NAA11: variants seen among roughly 807,000 people sequenced by gnomAD.
The protein encoded by NAA11 is N-alpha-acetyltransferase 11, NatA catalytic subunit, also known as N-alpha-acetyltransferase 11.
A neutral mutation model predicts 16.1 loss-of-function variants in NAA11; 15 were observed. The observed-to-expected ratio is 0.93, with a 90% CI of 0.62 to 1.44. The LOEUF is 1.44. Among genes scored for constraint, NAA11 ranks in the 40% most tolerant of loss-of-function variants. The pLI, the probability that NAA11 is intolerant of heterozygous loss-of-function variation, is 0.00. For synonymous variants in NAA11, 122 were observed against 112.4 expected, an observed-to-expected ratio of 1.09 and a Z score of -0.54; for missense variants, 298 against 291.3, an observed-to-expected ratio of 1.02 and a Z score of -0.17.
the NAA11 span, among the ~76,000 whole-genome samples, chr4:79,190,074 C>T: frequency 1.3e-5 from 2 of 152,036 alleles, no homozygotes; most frequent in East Asian, 1.9e-4. Context: ...ACAAAAAACC[C>T]GCACAAAGCT....
At chr4:79,313,570 T>A (rs1723842809), downstream of NAA11, among the ~76,000 whole-genome samples, 2 of 152,172 alleles carry the variant, frequency 1.3e-5, 1 homozygote, top group African/African-American at 4.8e-5. Context: ...GCAATATATG[T>A]ATGATTTAAA....
chr4:79,320,014 T>A (rs938851927), intron 1 of NAA11, among the ~76,000 whole-genome samples: 4 of 152,224 alleles, frequency 2.6e-5, no homozygotes, highest in African/African-American at 7.2e-5. Flanking sequence ...CTTAACTCAA[T>A]GTTGCCAGCT....
chr4:79,312,359 TG>T (rs1421448493), downstream of NAA11, among the ~76,000 whole-genome samples: 1 of 152,034 alleles, frequency 6.6e-6, no homozygotes, highest in Non-Finnish European at 1.5e-5. Flanking sequence ...ATTTAAGAGT[TG>T]GGGATCTTGG....
chr4:79,157,593 G>A, the NAA11 span, among the ~76,000 whole-genome samples: 4 of 151,374 alleles, frequency 2.6e-5, no homozygotes, highest in Non-Finnish European at 5.9e-5. Context: ...ATACGTGTGT[G>A]TGTATATACA....
At chr4:79,315,815 A>G (rs1047575544), downstream of NAA11, among the ~76,000 whole-genome samples, 5 of 152,240 alleles carry the variant, frequency 3.3e-5, no homozygotes, top group Non-Finnish European at 5.9e-5. Context: ...TCCTGGAACC[A>G]TTATGAACAT....
chr4:79,218,037 G>A, the NAA11 span, among the ~76,000 whole-genome samples: 93 of 152,210 alleles, frequency 6.1e-4, no homozygotes, highest in African/African-American at 2.0e-3. Context: ...CATGAAGGGT[G>A]CAGAATTTAA....
chr4:79,256,650 A>ATATAT (rs1491532297), intron 2 of NAA11, among the ~76,000 whole-genome samples: 3 of 103,670 alleles, frequency 2.9e-5, no homozygotes, highest in South Asian at 4.2e-4. Flanking sequence ...ATATAAATAT[A>ATATAT]AATATATATA....
chr4:79,249,449 C>T (rs571929101), intron 2 of NAA11, among the ~76,000 whole-genome samples: 1 of 152,318 alleles, frequency 6.6e-6, no homozygotes, highest in African/African-American at 2.4e-5. Flanking sequence ...TTAAAACTCA[C>T]TTTGAGAATT....
At position 79,305,641 on chromosome 4, in the gene NAA11, A is replaced by C. The variant is rs376344958; in HGVS notation, c.*13-11527T>G. On this transcript the variant is annotated intron_variant and NMD_transcript_variant, in intron 1 of 2. Transcript: ENST00000511542. ...AAGCAGTGAGATGGGGAAGCTTTTC[A>C]TATGAACATAGAAGCAAGAAGATGT... 2.6e-5 allele frequency among the ~76,000 whole-genome samples: 4 copies of C among 152,160 alleles called. No homozygotes were observed. The East Asian group carries it at 5.8e-4, about 22-fold the overall frequency.
chr4:79,278,605 C>G (rs183026269), intron 2 of NAA11, among the ~76,000 whole-genome samples: 277 of 152,262 alleles, frequency 1.8e-3, no homozygotes, highest in African/African-American at 6.2e-3. Flanking sequence ...CTAGACCACT[C>G]AGGGCATAAT....
intron 2 of NAA11, among the ~76,000 whole-genome samples, chr4:79,242,297 C>G (rs758701086): frequency 1.3e-5 from 2 of 152,120 alleles, no homozygotes; most frequent in African/African-American, 2.4e-5. Context: ...TAGTTCCCTG[C>G]CTACCAGTTT....
At position 79,225,971 on chromosome 4, in the gene NAA11, T is replaced by C. The variant is rs533433446; in HGVS notation, c.*422A>G. The C allele has an allele frequency of 4.6e-5, 7 of 152,212 alleles. No homozygotes were observed. The South Asian group carries it at 1.5e-3, about 32-fold the overall frequency. The allele number at this position is 152,212 out of a possible 1,614,324, so 9.4% of individuals were successfully genotyped here. On this transcript the variant is annotated 3_prime_UTR_variant and NMD_transcript_variant, in exon 3 of 3. Transcript: ENST00000511542. ...CAATGGTTTGCCCCCATACTATAGATTCTGTGGAAAAGTTATATCCTTCCC... is the reference window on the plus strand; with the variant it reads ...CAATGGTTTGCCCCCATACTATAGACTCTGTGGAAAAGTTATATCCTTCCC...
At chr4:79,174,383 T>C in the NAA11 span, among the ~76,000 whole-genome samples, 1 of 152,222 alleles carries the variant, frequency 6.6e-6, no homozygotes, top group South Asian at 2.1e-4. Context: ...AATAGTTTCT[T>C]AGTCATATGT....
intron 2 of NAA11, among the ~76,000 whole-genome samples, chr4:79,254,575 T>C (rs1722061860): frequency 6.6e-6 from 1 of 152,004 alleles, no homozygotes. Context: ...AGTGAATTAA[T>C]TTGTGAATAA....
chr4:79,166,400 G>A, the NAA11 span, among the ~76,000 whole-genome samples: 2 of 151,586 alleles, frequency 1.3e-5, no homozygotes, highest in Admixed American at 6.6e-5. Flanking sequence ...TGTGGGGGCT[G>A]GAGTGTAGTG....
At chr4:79,269,520 A>G in intron 2 of NAA11, among the ~76,000 whole-genome samples, 1 of 150,256 alleles carries the variant, frequency 6.7e-6, no homozygotes, top group Middle Eastern at 3.2e-3. Flanking sequence ...GTGTCTGTTC[A>G]TGTCCTTCGC....
At chr4:79,312,959 T>C (rs543063531), downstream of NAA11, among the ~76,000 whole-genome samples, 140 of 152,336 alleles carry the variant, frequency 9.2e-4, 1 homozygote, top group Middle Eastern at 3.4e-3. Flanking sequence ...AAGGTAACTT[T>C]TATTGAGTCT....
chr4:79,199,911 C>A, the NAA11 span, among the ~76,000 whole-genome samples: 1 of 151,822 alleles, frequency 6.6e-6, no homozygotes, highest in Non-Finnish European at 1.5e-5. Context: ...TATTATAGAA[C>A]TGGAGTCCTC....
intron 1 of NAA11, among the ~76,000 whole-genome samples, chr4:79,318,877 A>G (rs1724008654): frequency 1.3e-5 from 2 of 152,178 alleles, no homozygotes; most frequent in Admixed American, 1.3e-4. Flanking sequence ...GTTGTTTAAG[A>G]GTATAGGTAT....
Sources: gnomAD v4.1 joint callset for allele counts (sites outside exome capture counted in the v4.1 genomes callset) on GRCh38, gnomAD v4.1.1 for gene constraint, MANE v1.5 for transcripts, NCBI Gene and HGNC (gene_info 2026-07-23, HGNC 2026-07-21) for gene names.